The following ANK3 variants were observed in gnomAD, a reference collection of about 807,000 sequenced individuals.
ANK3 encodes ankyrin-3.
A neutral mutation model predicts 370.9 loss-of-function variants in ANK3; 57 were observed. The ratio of observed to expected loss-of-function variants is 0.15; its 90% confidence interval spans 0.12 to 0.19. The LOEUF (loss-of-function observed/expected upper bound fraction) is 0.19, where lower values mean the gene tolerates loss of function less well. Ranked by LOEUF, ANK3 falls within the 10% of genes least tolerant of loss-of-function variation. The pLI is 1.00. For missense variants in ANK3, 4,439 were observed against 5,302.1 expected (o/e 0.84, Z 5.06); for synonymous variants, 1,929 against 1,946.3 (o/e 0.99, Z 0.23).
At chr10:60,517,530 T>C (rs1194428333) in intron 2 of ANK3, among the ~76,000 whole-genome samples, 1 of 152,120 alleles carries the variant, frequency 6.6e-6, no homozygotes, top group East Asian at 1.9e-4. Context: ...TATGTATTTA[T>C]TACCTGCCCA....
In ANK3 at chr10:60,073,041, G is replaced by A. The variant is rs775291754; in HGVS notation, c.7840C>T (p.Arg2614Cys). The A allele has an allele frequency of 2.9e-5, 47 of 1,614,086 alleles. No individual in the cohort carries two copies. The highest frequency in any genetic ancestry group is 4.0e-5 in the African/African-American group (3 of 75,030). Reference sequence around the variant, plus strand: ...GAATATTCTTTGCCATTTTTAGGGCGTGCCTTTTTCTCTGGGGACTGCAGT... The same window carrying A: ...GAATATTCTTTGCCATTTTTAGGGCATGCCTTTTTCTCTGGGGACTGCAGT... ...DELQSPEKKARPKNGKEYSSQ... is the reference protein window; with the variant it reads ...DELQSPEKKACPKNGKEYSSQ... Residue 2614 changes from arginine (R) to cysteine (C), a missense_variant, in exon 37 of 44, where the codon CGC (arginine) becomes TGC (cysteine). By Grantham distance (180) the Arg-to-Cys change is radical. This residue lies in a region of ANK3 where 1,601 missense variants were observed against 1,731.7 expected (regional missense o/e 0.92). Transcript: ENST00000280772.
chr10:60,414,271 T>C (rs1353039714), intron 2 of ANK3, among the ~76,000 whole-genome samples: 2 of 152,148 alleles, frequency 1.3e-5, no homozygotes, highest in African/African-American at 2.4e-5. Context: ...GCAAGTCCAC[T>C]AACCCACTTC....
intron 2 of ANK3, among the ~76,000 whole-genome samples, chr10:60,504,930 T>C (rs1223853238): frequency 6.6e-6 from 1 of 152,146 alleles, no homozygotes; most frequent in Non-Finnish European, 1.5e-5. Flanking sequence ...TAAGGGAAAC[T>C]TGAATGTAAA....
chr10:60,689,027 A>G (rs1193215919), intron 1 of ANK3, among the ~76,000 whole-genome samples: 2 of 152,176 alleles, frequency 1.3e-5, no homozygotes, highest in Non-Finnish European at 2.9e-5. Context: ...TTTAGCCACT[A>G]TGTAATGCTG....
Position 60,069,341 on chromosome 10 carries a change from A to G in ANK3, c.11540T>C (p.Leu3847Pro), listed in dbSNP as rs763166610. 1.5e-5 allele frequency: 24 copies of G among 1,613,974 alleles called. No homozygotes were observed. Among genetic ancestry groups the G allele is most frequent in the Non-Finnish European group, 1.9e-5 (23 of 1,180,012 alleles). Residue 3847 changes from leucine (L) to proline (P), a missense_variant, in exon 37 of 44, where the codon CTT becomes CCT. By Grantham distance (98) the Leu-to-Pro change is moderately conservative (BLOSUM62 -3). This residue lies in a region of ANK3 where 496 missense variants were observed against 529.3 expected (regional missense o/e 0.94). Coordinates refer to ENST00000280772, the MANE Select transcript of ANK3 (RefSeq NM_020987.5). ...TTCCTTTGTTTTTTGCTGTTCTCCA[A>G]GAACTTTCTGCTTATCTCTTACACA... Reference protein sequence around the residue: ...GHCVRDKQKVLGEQQKTKELI... With the variant: ...GHCVRDKQKVPGEQQKTKELI...
intron 4 of ANK3, among the ~76,000 whole-genome samples, chr10:60,277,483 T>C (rs895858663): frequency 2.0e-5 from 3 of 152,240 alleles, no homozygotes; most frequent in African/African-American, 4.8e-5. Context: ...CAAAATGATA[T>C]ATGTTGACAT....
chr10:60,200,288 T>C, intron 12 of ANK3, 61 bp from the exon 13 acceptor site: 1 of 1,342,060 alleles, frequency 7.5e-7, no homozygotes, highest in Non-Finnish European at 1.1e-6. Flanking sequence ...TGTATTTTAT[T>C]TGGCATAAAG....
At chr10:60,036,470 C>G (rs1384471540) in intron 43 of ANK3, among the ~76,000 whole-genome samples, 3 of 104,678 alleles carry the variant, frequency 2.9e-5, no homozygotes, top group Non-Finnish European at 5.1e-5. Flanking sequence ...GAGTCTTGCT[C>G]TGTCGCCCAG....
chr10:60,190,124 AC>A (rs2096447793), intron 16 of ANK3, among the ~76,000 whole-genome samples: 2 of 152,196 alleles, frequency 1.3e-5, no homozygotes, highest in African/African-American at 2.4e-5. Context: ...AAACCTCATC[AC>A]ATTTCTAGGA....
In ANK3 at chr10:60,378,903, A is replaced by G. The variant is rs185874388; in HGVS notation, c.114+10522T>C. On this transcript the variant is annotated intron_variant, in intron 1 of 43. Coordinates refer to ENST00000280772, the MANE Select transcript of ANK3 (RefSeq NM_020987.5). ...GCACAGAAAAAAAAAATAAAAAACA[A>G]TCAACAGAGTGAAAAAACAATCTAC... Among the ~76,000 whole-genome samples the G allele has an allele frequency of 1.1e-4, 16 of 151,528 alleles. No individual in the cohort carries two copies. The East Asian group carries it at 2.9e-3, about 27-fold the overall frequency.
At chr10:60,667,871 T>C (rs1389305725) in intron 1 of ANK3, among the ~76,000 whole-genome samples, 2 of 151,622 alleles carry the variant, frequency 1.3e-5, no homozygotes, top group South Asian at 4.2e-4. Flanking sequence ...GAGCAATGTT[T>C]CTCAATATTT....
intron 2 of ANK3, among the ~76,000 whole-genome samples, chr10:60,605,330 C>T (rs1459276629): frequency 6.6e-6 from 1 of 151,990 alleles, no homozygotes; most frequent in East Asian, 1.9e-4. Context: ...GTGGCTCACA[C>T]CTGTAAATCC....
At chr10:60,520,624 G>A (rs1426310584) in intron 2 of ANK3, among the ~76,000 whole-genome samples, 1 of 151,986 alleles carries the variant, frequency 6.6e-6, no homozygotes, top group Non-Finnish European at 1.5e-5. Context: ...ACTTTTGTCT[G>A]TATATTCTCC....
intron 1 of ANK3, among the ~76,000 whole-genome samples, chr10:60,327,646 T>C (rs1017753226): frequency 6.6e-6 from 1 of 152,230 alleles, no homozygotes; most frequent in Non-Finnish European, 1.5e-5. Context: ...TCACTTTAAC[T>C]AGTAGACGTT....
At position 60,495,918 on chromosome 10, in the gene ANK3, G is replaced by C. The variant is rs376195612; in HGVS notation, c.96+119268C>G. Among the ~76,000 whole-genome samples the C allele has an allele frequency of 4.6e-5, 7 of 151,502 alleles. No homozygotes were observed. In the East Asian group the frequency reaches 9.7e-4, roughly 21 times the overall value. On this transcript the variant is annotated intron_variant, in intron 2 of 43. Transcript: ENST00000373827. ...CTATTCAGAAAGGCATTTAATAAGT[G>C]TTCTTATAGCTGATGTAGTCTAAAT...
At chr10:60,168,645 C>A in intron 21 of ANK3, among the ~76,000 whole-genome samples, 1 of 152,018 alleles carries the variant, frequency 6.6e-6, no homozygotes, top group Admixed American at 6.6e-5. Context: ...ACCTATGAAC[C>A]CATCACCTAG....
intron 5 of ANK3, among the ~76,000 whole-genome samples, chr10:60,265,936 T>A (rs2097870319): frequency 6.6e-6 from 1 of 152,170 alleles, no homozygotes; most frequent in Non-Finnish European, 1.5e-5. Context: ...ACACCTGTAC[T>A]CATGCTATTT....
At chr10:60,686,412 A>G (rs1369360326) in intron 1 of ANK3, among the ~76,000 whole-genome samples, 1 of 152,176 alleles carries the variant, frequency 6.6e-6, no homozygotes, top group East Asian at 1.9e-4. Flanking sequence ...AATATGAAGA[A>G]ATGTCATCCC....
At chr10:60,422,957 A>G (rs1404829176) in intron 2 of ANK3, among the ~76,000 whole-genome samples, 3 of 152,034 alleles carry the variant, frequency 2.0e-5, no homozygotes, top group Non-Finnish European at 4.4e-5. Context: ...ATGAGGCACT[A>G]TTGACATTTG....
Sources: gnomAD v4.1 joint callset for allele counts (sites outside exome capture counted in the v4.1 genomes callset) on GRCh38, gnomAD v4.1.1 for gene constraint, gnomAD v4.1.1 regional missense constraint, MANE v1.5 for transcripts, NCBI Gene and HGNC (gene_info 2026-07-23, HGNC 2026-07-21) for gene names.